The following IFT172 variants were observed in gnomAD, a reference collection of about 807,000 sequenced individuals.
IFT172 encodes intraflagellar transport 172, also known as intraflagellar transport protein 172 homolog.
IFT172 carries 164 observed loss-of-function variants against 248.9 expected under a neutral mutation model. The observed-to-expected ratio is 0.66, with a 90% CI of 0.58 to 0.75. The LOEUF (loss-of-function observed/expected upper bound fraction) is 0.75, where lower values mean the gene tolerates loss of function less well. Ranked by LOEUF, IFT172 falls within the 30% of genes least tolerant of loss-of-function variation. The pLI, the probability that IFT172 is intolerant of heterozygous loss-of-function variation, is 0.00. For missense variants in IFT172, 1,950 were observed against 2,192.4 expected, an observed-to-expected ratio of 0.89 and a Z score of 2.21; for synonymous variants, 729 against 791.6, an observed-to-expected ratio of 0.92 and a Z score of 1.33.
At position 27,445,283 on chromosome 2, in the gene IFT172, T is replaced by G; in HGVS notation, c.5068+13A>C. 1 of 1,605,306 alleles carries G rather than the reference T, an allele frequency of 6.2e-7. No homozygotes were observed. The highest frequency in any genetic ancestry group is 8.5e-7 in the Non-Finnish European group (1 of 1,174,530). On this transcript the variant is annotated intron_variant, in intron 46 of 47. Transcript: ENST00000260570. This position sits in a 1 kb window ranked among gnomAD's most constrained non-coding sequence, Gnocchi z 4.4. The stretch of plus-strand genomic sequence containing the variant: ...ACCCACCACAGGATCTGGGGTGCTG[T>G]AGGCTTCTATACCTGTAATAAGGCA...
chr2:27,472,159 C>T (rs1398519416), intron 15 of IFT172, 91 bp downstream of exon 15: 1 of 860,960 alleles, frequency 1.2e-6, no homozygotes, highest in South Asian at 1.3e-5. Context: ...AGACAATGTG[C>T]TCCATCCTGC....
chr2:27,481,325 C>G (rs1483300575), intron 7 of IFT172, 65 bp from the exon 8 acceptor site: 1 of 1,209,346 alleles, frequency 8.3e-7, no homozygotes, highest in Non-Finnish European at 1.2e-6. Flanking sequence ...TCCTCACTCT[C>G]AACACCTGGT....
rs1665962504 is a variant in IFT172 at position 27,454,181 on chromosome 2, A to AGAG, written c.3531-22_3531-20dup. ...GACAAACCTGCCTCCAGGTGGGGAC[A>AGAG]GAGGAGAGACTGAGTATAGGACTGA... is the stretch of plus-strand genomic sequence containing the variant. On this transcript the variant is annotated intron_variant, in intron 32 of 47. Transcript: ENST00000260570. The surrounding 1 kb of genome is among the most constrained non-coding windows in gnomAD (Gnocchi z 4.2). 1.1e-5 allele frequency: 17 copies of AGAG among 1,608,992 alleles called. No homozygotes were observed. Among genetic ancestry groups the AGAG allele is most frequent in the Non-Finnish European group, 1.4e-5 (17 of 1,176,882 alleles).
At chr2:27,484,440 A>C (rs1052145695) in intron 3 of IFT172, among the ~76,000 whole-genome samples, 174 bp from the exon 4 acceptor site, 1 of 151,780 alleles carries the variant, frequency 6.6e-6, no homozygotes, top group Non-Finnish European at 1.5e-5. Context: ...AAATACAAAA[A>C]ATTAGCCGGG....
At chr2:27,482,629 T>C (rs1241288992) in intron 7 of IFT172, among the ~76,000 whole-genome samples, 1 of 152,232 alleles carries the variant, frequency 6.6e-6, no homozygotes, top group Non-Finnish European at 1.5e-5. Context: ...GAGTAAAACA[T>C]GAAAGTTTCC....
rs1667057458 is a variant in IFT172 at position 27,465,887 on chromosome 2, A to T, written c.1693-5T>A. On this transcript the variant is annotated splice_region_variant and splice_polypyrimidine_tract_variant and intron_variant, in intron 16 of 47. Coordinates refer to ENST00000260570, the MANE Select transcript of IFT172 (RefSeq NM_015662.3). Reference sequence around the variant, plus strand: ...CTCCAGACCTATAACATCACCCTGTAAAAGTTTATCCCCCAACCCACCCCA... The same window carrying T: ...CTCCAGACCTATAACATCACCCTGTTAAAGTTTATCCCCCAACCCACCCCA... 1 of 1,613,968 alleles carries T rather than the reference A, an allele frequency of 6.2e-7. No individual in the cohort carries two copies. Among genetic ancestry groups the T allele is most frequent in the East Asian group, 2.2e-5 (1 of 44,876 alleles).
intron 11 of IFT172, among the ~76,000 whole-genome samples, 165 bp from the exon 12 acceptor site, chr2:27,477,777 CAG>C (rs1279830961): frequency 6.6e-6 from 1 of 152,072 alleles, no homozygotes; most frequent in Admixed American, 6.5e-5. Flanking sequence ...TGAGAGAAAC[CAG>C]AGAGATTTTC....
chr2:27,454,050 C>T lies in IFT172; in HGVS notation c.3643G>A (p.Asp1215Asn), dbSNP rs777398021. Reference sequence around the variant, plus strand: ...AGCAGCCCTTCTGCTTTCTGAAAGTCCTTCTCCTCCAAGGCCCCCCGGGCC... The same window carrying T: ...AGCAGCCCTTCTGCTTTCTGAAAGTTCTTCTCCTCCAAGGCCCCCCGGGCC... The part of the protein sequence containing the change: ...GQARGALEEK[D>N]FQKAEGLLLR... The change falls in exon 33 of 48, where the codon GAC becomes AAC. Residue 1215 changes from aspartate to asparagine, a missense_variant. By Grantham distance (23) the Asp-to-Asn change is conservative (BLOSUM62 1). This residue lies in a region of IFT172 where 620 missense variants were observed against 699.0 expected (regional missense o/e 0.89). Transcript: ENST00000260570. The surrounding 1 kb of genome is among the most constrained non-coding windows in gnomAD (Gnocchi z 4.2). The T allele has an allele frequency of 5.5e-5, 89 of 1,613,978 alleles. No homozygotes were observed. The highest frequency in any genetic ancestry group is 7.3e-5 in the Non-Finnish European group (86 of 1,180,028).
At chr2:27,455,104 A>AC (rs1666041577) in intron 30 of IFT172, 1 of 277,832 alleles carries the variant, frequency 3.6e-6, no homozygotes, top group Admixed American at 5.0e-5. Context: ...GGCACTGATA[A>AC]CAGTAGCTTG....
intron 11 of IFT172, 50 bp from the exon 12 acceptor site, chr2:27,477,662 A>G (rs750507492): frequency 8.1e-7 from 1 of 1,231,660 alleles, no homozygotes. Flanking sequence ...ACCCAAGATA[A>G]TGCCGAAAGA....
chr2:27,451,917 C>T (rs760388686), intron 35 of IFT172, among the ~76,000 whole-genome samples: 5 of 151,550 alleles, frequency 3.3e-5, no homozygotes, highest in Non-Finnish European at 7.4e-5. Flanking sequence ...ATCTAAGGTG[C>T]GTCATTTAAA....
chr2:27,476,464 G>A (rs868173487), intron 14 of IFT172, among the ~76,000 whole-genome samples, 177 bp downstream of exon 14: 34 of 152,026 alleles, frequency 2.2e-4, no homozygotes, highest in African/African-American at 7.5e-4. Context: ...AGATATCCAG[G>A]TACAGATGCA....
intron 1 of IFT172, among the ~76,000 whole-genome samples, 199 bp downstream of exon 1, chr2:27,489,416 A>G (rs1006845209): frequency 1.3e-5 from 2 of 152,216 alleles, no homozygotes; most frequent in African/African-American, 4.8e-5. Flanking sequence ...GATGTGAATG[A>G]AATGTAAGGA....
chr2:27,483,619 A>G lies in IFT172; in HGVS notation c.443T>C (p.Ile148Thr), dbSNP rs371617289. ...CACCACGTAAGACTCTGTCCCATAGATGGTAGATGATTTATTAGTTTTGGT... is the reference window on the plus strand; with the variant it reads ...CACCACGTAAGACTCTGTCCCATAGGTGGTAGATGATTTATTAGTTTTGGT... ...ANTKTNKSST[I>T]YGTESYVVSL... Residue 148 changes from isoleucine (I) to threonine (T), a missense_variant, in exon 6 of 48, where the codon ATC (isoleucine) becomes ACC (threonine). By Grantham distance (89) the Ile-to-Thr change is moderately conservative. This residue lies in a region of IFT172 where 1,166 missense variants were observed against 1,254.1 expected (regional missense o/e 0.93). Transcript: ENST00000260570. 1.2e-6 allele frequency: 2 copies of G among 1,614,150 alleles called. No individual in the cohort carries two copies. Among genetic ancestry groups the G allele is most frequent in the Non-Finnish European group, 1.7e-6 (2 of 1,180,024 alleles).
chr2:27,470,949 TCTCTC>T lies in IFT172; in HGVS notation c.1666_1670del (p.Glu556SerfsTer7). 1 of 1,607,806 alleles carries T rather than the reference TCTCTC, an allele frequency of 6.2e-7. No homozygotes were observed. The highest frequency in any genetic ancestry group is 2.2e-5 in the East Asian group (1 of 44,770). On this transcript the variant is annotated frameshift_variant, in exon 16 of 48. Transcript: ENST00000260570. LOFTEE classifies it high-confidence loss of function. ...ATACCCTAATAGTGAACATGGTGAC[TCTCTC>T]AGGTGCCTCAATGTTGTACCATACA...
chr2:27,477,276 A>AT lies in IFT172; in HGVS notation c.1265dup (p.Tyr422Ter). 1 of 1,614,112 alleles carries AT rather than the reference A, an allele frequency of 6.2e-7. No homozygotes were observed. The highest frequency in any genetic ancestry group is 8.5e-7 in the Non-Finnish European group (1 of 1,180,014). Residue 422 changes from tyrosine (Y) to a stop codon, truncating the protein, a stop_gained and frameshift_variant, in exon 13 of 48, where the codon TAT (tyrosine) becomes TAAT (stop). Transcript: ENST00000260570. LOFTEE classifies it high-confidence loss of function. ...FNAGELTLVE[Y>*]GNNDTLGSVR... ...CAGAACCCAGGGTGTCATTATTCCC[A>AT]TATTCCACCAGGGTTAGCTCTCCGG...
Position 27,456,634 on chromosome 2 carries a change from C to A in IFT172, c.3248G>T (p.Gly1083Val), listed in dbSNP as rs762555189. ...EAYRVARTQG[G>V]ANAHKHVAYL... ...GGCCACGTGTTTGTGGGCATTAGCC[C>A]CTCCTTGAGTTCTGGCCACCTGTAA... The change falls in exon 30 of 48, where the codon GGG becomes GTG. Residue 1083 changes from glycine (G) to valine (V), a missense_variant. Transcript: ENST00000260570. 8 of 1,613,864 alleles carry A rather than the reference C, an allele frequency of 5.0e-6. No homozygotes were observed. Among genetic ancestry groups the A allele is most frequent in the South Asian group, 3.3e-5 (3 of 91,038 alleles).
At chr2:27,451,474 C>T (rs1665668202) in intron 35 of IFT172, among the ~76,000 whole-genome samples, 1 of 152,092 alleles carries the variant, frequency 6.6e-6, no homozygotes, top group African/African-American at 2.4e-5. Context: ...AGTTTTAAGA[C>T]CTCAAAAGGC....
At chr2:27,446,849 G>A (rs1665163879) in intron 42 of IFT172, among the ~76,000 whole-genome samples, 1 of 151,258 alleles carries the variant, frequency 6.6e-6, no homozygotes, top group Non-Finnish European at 1.5e-5. Flanking sequence ...ACAGGCGCCC[G>A]CCACCGTGCC....
Sources: gnomAD v4.1 joint callset for allele counts (sites outside exome capture counted in the v4.1 genomes callset) on GRCh38, gnomAD v4.1.1 for gene constraint, gnomAD v4.1.1 regional missense constraint, Gnocchi (gnomAD v3.1) non-coding constraint, MANE v1.5 for transcripts, NCBI Gene and HGNC (gene_info 2026-07-23, HGNC 2026-07-21) for gene names.